CCDC7: variants seen among roughly 807,000 people sequenced by gnomAD.
CCDC7 encodes coiled-coil domain-containing protein 7.
Under a neutral mutation model 196.9 loss-of-function variants are expected in CCDC7, and 183 were observed. The ratio of observed to expected loss-of-function variants is 0.93; its 90% confidence interval spans 0.82 to 1.05. CCDC7 has a LOEUF of 1.05. CCDC7 is among the 50% of genes least tolerant of loss of function. CCDC7 has a pLI of 0.00. For synonymous variants in CCDC7, 525 were observed against 484.6 expected, an observed-to-expected ratio of 1.08 and a Z score of -1.10; for missense variants, 1,540 against 1,482.2, an observed-to-expected ratio of 1.04 and a Z score of -0.64.
intron 11 of CCDC7, among the ~76,000 whole-genome samples, chr10:32,528,283 T>G (rs1213214082): frequency 6.6e-6 from 1 of 152,048 alleles, no homozygotes; most frequent in Non-Finnish European, 1.5e-5. Context: ...TGTAATAGGT[T>G]TTTGGGGAAC....
At chr10:32,684,228 G>A (rs975699818) in intron 21 of CCDC7, among the ~76,000 whole-genome samples, 3 of 152,140 alleles carry the variant, frequency 2.0e-5, no homozygotes, top group South Asian at 2.1e-4. Flanking sequence ...GGGGCGCATG[G>A]GAGATCCCTG....
chr10:32,457,611 T>G (rs534205800), intron 3 of CCDC7, among the ~76,000 whole-genome samples: 1 of 152,290 alleles, frequency 6.6e-6, no homozygotes, highest in Non-Finnish European at 1.5e-5. Context: ...CTCCATGCTA[T>G]TTTTCATTAT....
intron 11 of CCDC7, among the ~76,000 whole-genome samples, chr10:32,519,933 T>G (rs1352837831): frequency 5.9e-5 from 9 of 152,148 alleles, no homozygotes; most frequent in Non-Finnish European, 1.2e-4. Context: ...TCAATTGTTT[T>G]GATTTTTAAC....
chr10:32,856,112 C>T (rs183822865), intron 41 of CCDC7, among the ~76,000 whole-genome samples: 1 of 152,112 alleles, frequency 6.6e-6, no homozygotes, highest in Non-Finnish European at 1.5e-5. Flanking sequence ...AAGAGCTGTA[C>T]TTTAAAACTC....
intron 18 of CCDC7, among the ~76,000 whole-genome samples, chr10:32,619,321 A>T (rs2063118518): frequency 6.6e-6 from 1 of 152,152 alleles, no homozygotes; most frequent in Non-Finnish European, 1.5e-5. Flanking sequence ...ATAAAAACAG[A>T]ATTCAACAAA....
At chr10:32,502,509 T>C (rs1394014137) in intron 9 of CCDC7, among the ~76,000 whole-genome samples, 1 of 152,086 alleles carries the variant, frequency 6.6e-6, no homozygotes, top group Non-Finnish European at 1.5e-5. Context: ...TATTTGGCCA[T>C]CTTTTTGGCT....
At chr10:32,672,134 C>T (rs1249493204) in intron 21 of CCDC7, among the ~76,000 whole-genome samples, 1 of 152,086 alleles carries the variant, frequency 6.6e-6, no homozygotes, top group African/African-American at 2.4e-5. Context: ...GGTTCTGGGA[C>T]CCAGGGCAGT....
At chr10:32,571,753 A>C in intron 15 of CCDC7, 106 bp from the exon 17 acceptor site, 1 of 1,079,796 alleles carries the variant, frequency 9.3e-7, no homozygotes, top group Non-Finnish European at 1.2e-6. Context: ...TAATCTTACG[A>C]AATTGTCATA....
chr10:32,528,452 G>A (rs1457045051), intron 11 of CCDC7, among the ~76,000 whole-genome samples: 1 of 146,828 alleles, frequency 6.8e-6, no homozygotes, highest in Admixed American at 7.0e-5. Flanking sequence ...TTATTCTTAT[G>A]CCTTTGCATC....
At chr10:32,612,521 T>G (rs1293032395) in intron 18 of CCDC7, among the ~76,000 whole-genome samples, 2 of 152,154 alleles carry the variant, frequency 1.3e-5, no homozygotes, top group Admixed American at 6.5e-5. Flanking sequence ...ATGCTTTCAG[T>G]TTTTGCCCAT....
chr10:32,768,776 A>G (rs1383968327), intron 28 of CCDC7, among the ~76,000 whole-genome samples: 1 of 152,104 alleles, frequency 6.6e-6, no homozygotes, highest in Non-Finnish European at 1.5e-5. Context: ...GAGATTATCA[A>G]AAGTGTTTTG....
At chr10:32,843,828 G>A (rs377629464) in intron 33 of CCDC7, among the ~76,000 whole-genome samples, 2 of 151,744 alleles carry the variant, frequency 1.3e-5, no homozygotes, top group East Asian at 3.9e-4. Context: ...CTATAGATGT[G>A]CTTATGTTCA....
At chr10:32,816,318 T>G (rs528762438) in intron 31 of CCDC7, among the ~76,000 whole-genome samples, 1 of 152,080 alleles carries the variant, frequency 6.6e-6, no homozygotes, top group South Asian at 2.1e-4. Context: ...GAGGCTTGAG[T>G]AGGTAAACAA....
At chr10:32,847,790 G>A in intron 37 of CCDC7, 43 bp from the exon 39 acceptor site, 1 of 1,190,422 alleles carries the variant, frequency 8.4e-7, no homozygotes. Flanking sequence ...TAACATAAAT[G>A]GTTACCTTAA....
chr10:32,833,713 C>T (rs2092395251), intron 32 of CCDC7, among the ~76,000 whole-genome samples: 1 of 152,038 alleles, frequency 6.6e-6, no homozygotes, highest in Non-Finnish European at 1.5e-5. Context: ...ATAACTTATT[C>T]TGTCAATCTG....
chr10:32,555,801 A>C (rs2054252167), intron 13 of CCDC7, among the ~76,000 whole-genome samples: 1 of 152,224 alleles, frequency 6.6e-6, no homozygotes, highest in Non-Finnish European at 1.5e-5. Flanking sequence ...TTAAAACAGT[A>C]GAATCATTAT....
At position 32,727,143 on chromosome 10, in the gene CCDC7, T is replaced by C. The variant is rs150592512; in HGVS notation, c.2668+311T>C. The stretch of plus-strand genomic sequence containing the variant: ...TGGGAGATTAGTTTCCTGGAGATCA[T>C]ACCCAATGATCACTTACCACGTGTA... On this transcript the variant is annotated intron_variant, in intron 26 of 41. Coordinates refer to ENST00000639629, the Ensembl canonical transcript of CCDC7. Among the ~76,000 whole-genome samples, 1,009 of 152,254 alleles carry C rather than the reference T, an allele frequency of 6.6e-3. 8 individuals carry two copies. Among genetic ancestry groups the C allele is most frequent in the African/African-American group, 0.022 (904 of 41,570 alleles).
rs767779690 is a variant in CCDC7 at position 32,518,395 on chromosome 10, A to G, written c.904-21A>G. The G allele has an allele frequency of 9.6e-6, 15 of 1,564,890 alleles. No individual in the cohort carries two copies. The South Asian group carries it at 1.8e-4, about 19-fold the overall frequency. On this transcript the variant is annotated intron_variant, in intron 10 of 41. Coordinates refer to ENST00000639629, the Ensembl canonical transcript of CCDC7. ...ATTGAGAGTTTTACTCTTCATTATT[A>G]CTAAAATTATTTGTTTTTAGGAATA...
At chr10:32,870,811 T>C (rs2094400117) in intron 41 of CCDC7, among the ~76,000 whole-genome samples, 1 of 152,216 alleles carries the variant, frequency 6.6e-6, no homozygotes, top group South Asian at 2.1e-4. Context: ...TGACGAGTTG[T>C]TGAATTTTGT....
Sources: gnomAD v4.1 joint callset for allele counts (sites outside exome capture counted in the v4.1 genomes callset) on GRCh38, gnomAD v4.1.1 for gene constraint, MANE v1.5 for transcripts, NCBI Gene and HGNC (gene_info 2026-07-23, HGNC 2026-07-21) for gene names.